Variants in RUNX1T1 observed in about 807,000 individuals in gnomAD.
RUNX1T1 encodes the protein protein CBFA2T1.
RUNX1T1 carries 4 observed loss-of-function variants against 62.8 expected under a neutral mutation model. The observed-to-expected ratio is 0.06, with a 90% CI of 0.03 to 0.15. The LOEUF is 0.15. RUNX1T1 is among the 10% of genes least tolerant of loss of function. RUNX1T1 has a pLI of 1.00. For missense variants in RUNX1T1, 508 were observed against 754.3 expected, an observed-to-expected ratio of 0.67 and a Z score of 3.82; for synonymous variants, 291 against 286.0, an observed-to-expected ratio of 1.02 and a Z score of -0.18.
At chr8:92,098,256 T>C (rs1482991363) in intron 1 of RUNX1T1, among the ~76,000 whole-genome samples, 1 of 152,250 alleles carries the variant, frequency 6.6e-6, no homozygotes, top group African/African-American at 2.4e-5. Flanking sequence ...TCATAATTAC[T>C]ATAAACAGAT....
chr8:92,091,111 G>A (rs1836932117), intron 1 of RUNX1T1, among the ~76,000 whole-genome samples: 1 of 152,134 alleles, frequency 6.6e-6, no homozygotes, highest in South Asian at 2.1e-4. Context: ...ACTTAGAGGT[G>A]CTTAGATTGC....
At chr8:92,024,697 G>C (rs559479693) in intron 1 of RUNX1T1, among the ~76,000 whole-genome samples, 1 of 152,096 alleles carries the variant, frequency 6.6e-6, no homozygotes, top group East Asian at 1.9e-4. Context: ...AATTCCATGA[G>C]TCTAATACTC....
intron 5 of RUNX1T1, 157 bp downstream of exon 6, chr8:92,004,959 C>A: frequency 1.6e-6 from 1 of 642,884 alleles, no homozygotes; most frequent in Non-Finnish European, 2.6e-6. Flanking sequence ...CTGTAAAATC[C>A]CAGGCCAGAG....
intron 10 of RUNX1T1, among the ~76,000 whole-genome samples, chr8:91,965,230 CT>C (rs1413123020): frequency 6.6e-6 from 1 of 152,162 alleles, no homozygotes; most frequent in Non-Finnish European, 1.5e-5. Context: ...TCTCCTCATA[CT>C]TCATTAGTGA....
chr8:92,022,854 T>C (rs957180350), intron 1 of RUNX1T1, among the ~76,000 whole-genome samples: 1 of 152,226 alleles, frequency 6.6e-6, no homozygotes, highest in Non-Finnish European at 1.5e-5. Context: ...GAGAGTCCCA[T>C]TGTCCATGGA....
chr8:92,034,745 C>CACATACATATACACACGTAT (rs1826966621), intron 1 of RUNX1T1, among the ~76,000 whole-genome samples: 2 of 148,488 alleles, frequency 1.3e-5, no homozygotes, highest in African/African-American at 5.0e-5. Context: ...CATATATATA[C>CACATACATATACACACGTAT]ACATATATAT....
At chr8:91,959,792 C>A in exon 11 of RUNX1T1, 1 of 251,776 alleles carries the variant, frequency 4.0e-6, no homozygotes, top group Non-Finnish European at 7.9e-6. Flanking sequence ...GAGGGTTTTC[C>A]TCTTTTTTTT....
intron 1 of RUNX1T1, among the ~76,000 whole-genome samples, chr8:92,045,189 T>C (rs1829183520): frequency 6.6e-6 from 1 of 152,266 alleles, no homozygotes; most frequent in East Asian, 1.9e-4. Context: ...TGGGAATTTA[T>C]GCACCGCCAA....
At chr8:92,074,435 T>A (rs1002212972) in intron 2 of RUNX1T1, among the ~76,000 whole-genome samples, 1 of 152,176 alleles carries the variant, frequency 6.6e-6, no homozygotes, top group Admixed American at 6.5e-5. Flanking sequence ...CCTTTTTGAT[T>A]TTTAATCTGC....
chr8:92,048,926 C>T (rs1207637775), intron 1 of RUNX1T1, among the ~76,000 whole-genome samples: 1 of 152,086 alleles, frequency 6.6e-6, no homozygotes, highest in Admixed American at 6.6e-5. Flanking sequence ...TATTATAGCG[C>T]CTAAGCCAAA....
At chr8:91,986,133 C>A in exon 8 of RUNX1T1, 1 of 1,613,656 alleles carries the variant, frequency 6.2e-7, no homozygotes, top group Non-Finnish European at 8.5e-7. Context: ...CCTAGTGCAA[C>A]TGGGTCTGGG....
chr8:92,002,682 G>T (rs1456973795), intron 5 of RUNX1T1, among the ~76,000 whole-genome samples: 1 of 152,080 alleles, frequency 6.6e-6, no homozygotes, highest in Admixed American at 6.6e-5. Flanking sequence ...TACAGAAACA[G>T]ATTGATCTTT....
At chr8:92,043,293 T>A (rs972295000) in intron 1 of RUNX1T1, among the ~76,000 whole-genome samples, 8 of 152,136 alleles carry the variant, frequency 5.3e-5, no homozygotes, top group Non-Finnish European at 1.2e-4. Context: ...AGATGAGATA[T>A]CCTCAAGTGT....
exon 2 of RUNX1T1, chr8:92,076,092 T>C: frequency 2.5e-6 from 4 of 1,598,352 alleles, no homozygotes; most frequent in Non-Finnish European, 3.4e-6. Flanking sequence ...TCTCCTTTTC[T>C]GACTGGGACA....
exon 1 of RUNX1T1, chr8:92,099,679 T>C: frequency 1.0e-6 from 1 of 984,688 alleles, no homozygotes; most frequent in Non-Finnish European, 1.2e-6. Context: ...AGGGCTATGT[T>C]GCCTGCATAA....
At chr8:91,980,293 T>C (rs1250792679) in intron 8 of RUNX1T1, among the ~76,000 whole-genome samples, 2 of 152,234 alleles carry the variant, frequency 1.3e-5, no homozygotes, top group Non-Finnish European at 2.9e-5. Context: ...AATTTCATGA[T>C]GTGATTTAAA....
At chr8:92,097,089 G>T (rs1329647561) in intron 1 of RUNX1T1, among the ~76,000 whole-genome samples, 1 of 152,166 alleles carries the variant, frequency 6.6e-6, no homozygotes, top group African/African-American at 2.4e-5. Context: ...GGAAGGGCAT[G>T]TGTGAAAATC....
chr8:92,056,381 T>G (rs1358541907), intron 1 of RUNX1T1, among the ~76,000 whole-genome samples: 1 of 152,192 alleles, frequency 6.6e-6, no homozygotes, highest in Non-Finnish European at 1.5e-5. Flanking sequence ...ATATAGCTCT[T>G]AAAGTGAAAC....
chr8:92,049,998 C>T (rs1829994125), intron 1 of RUNX1T1, among the ~76,000 whole-genome samples: 2 of 152,026 alleles, frequency 1.3e-5, no homozygotes, highest in South Asian at 4.1e-4. Flanking sequence ...AATTAAAATT[C>T]TGCATTGTAA....
Sources: gnomAD v4.1 joint callset for allele counts (sites outside exome capture counted in the v4.1 genomes callset) on GRCh38, gnomAD v4.1.1 for gene constraint, MANE v1.5 for transcripts, NCBI Gene and HGNC (gene_info 2026-07-23, HGNC 2026-07-21) for gene names.